FHIT: variants seen among roughly 807,000 people sequenced by gnomAD.
FHIT encodes bis(5'-adenosyl)-triphosphatase.
In FHIT, 19 loss-of-function variants were observed where a neutral mutation model predicts 17.9. The ratio of observed to expected loss-of-function variants is 1.06; its 90% confidence interval spans 0.74 to 1.56. The LOEUF (loss-of-function observed/expected upper bound fraction) is 1.56. FHIT is among the 40% of genes most tolerant of loss of function. FHIT has a pLI of 0.00. For synonymous variants in FHIT, 81 were observed against 69.7 expected (o/e 1.16, Z -0.81); for missense variants, 248 against 189.2 (o/e 1.31, Z -1.82).
At chr3:59,759,737 A>C (rs1701409291) in intron 8 of FHIT, among the ~76,000 whole-genome samples, 1 of 152,032 alleles carries the variant, frequency 6.6e-6, no homozygotes. Flanking sequence ...TTCCTGCCAG[A>C]CATGGAGCTT....
chr3:60,463,759 T>C (rs976785053), intron 5 of FHIT, among the ~76,000 whole-genome samples: 2 of 152,206 alleles, frequency 1.3e-5, no homozygotes, highest in African/African-American at 4.8e-5. Context: ...TTTGGGCAAT[T>C]TACTTAACTT....
At chr3:61,207,659 G>A (rs1330441523) in intron 1 of FHIT, among the ~76,000 whole-genome samples, 1 of 152,118 alleles carries the variant, frequency 6.6e-6, no homozygotes, top group Non-Finnish European at 1.5e-5. Flanking sequence ...TGGGATCGGT[G>A]TTGATATCCC....
intron 3 of FHIT, among the ~76,000 whole-genome samples, chr3:60,929,511 A>C (rs1156854254): frequency 3.3e-5 from 5 of 152,212 alleles, no homozygotes; most frequent in Non-Finnish European, 4.4e-5. Context: ...AACTTCAGCA[A>C]AGTCTCAGGA....
intron 3 of FHIT, among the ~76,000 whole-genome samples, chr3:60,918,930 A>G (rs1707143559): frequency 6.6e-6 from 1 of 152,142 alleles, no homozygotes. Context: ...TATTTATGAT[A>G]AGGGCTTTTA....
At chr3:60,254,423 A>G (rs1014750881) in intron 5 of FHIT, among the ~76,000 whole-genome samples, 20 of 152,162 alleles carry the variant, frequency 1.3e-4, no homozygotes, top group African/African-American at 4.1e-4. Context: ...AATTAGAGAT[A>G]CTATATCAAA....
chr3:59,807,608 G>A (rs1034783359), intron 8 of FHIT, among the ~76,000 whole-genome samples: 1 of 152,178 alleles, frequency 6.6e-6, no homozygotes, highest in African/African-American at 2.4e-5. Context: ...AGCATGTGCT[G>A]TCCATATTCC....
intron 4 of FHIT, among the ~76,000 whole-genome samples, chr3:60,804,271 C>T (rs1701304731): frequency 6.6e-6 from 1 of 152,172 alleles, no homozygotes; most frequent in Admixed American, 6.5e-5. Context: ...GAGGCAGGGG[C>T]TCTGCTTTTC....
At chr3:60,596,355 A>G (rs1576944229) in intron 4 of FHIT, among the ~76,000 whole-genome samples, 1 of 151,992 alleles carries the variant, frequency 6.6e-6, no homozygotes, top group African/African-American at 2.4e-5. Context: ...AAGTTCTCCA[A>G]CCTTGGCCTT....
intron 3 of FHIT, among the ~76,000 whole-genome samples, chr3:60,840,274 T>C (rs1702677112): frequency 2.6e-5 from 4 of 152,330 alleles, no homozygotes; most frequent in Middle Eastern, 3.4e-3. Flanking sequence ...CCTTTGCTAA[T>C]AAAGATGATT....
chr3:60,806,041 G>A (rs782017053), intron 4 of FHIT, among the ~76,000 whole-genome samples: 20 of 152,136 alleles, frequency 1.3e-4, no homozygotes, highest in Non-Finnish European at 2.5e-4. Flanking sequence ...CTTAACCATA[G>A]GAAGTCCACA....
intron 4 of FHIT, among the ~76,000 whole-genome samples, chr3:60,623,039 G>A (rs781841024): frequency 6.6e-6 from 1 of 152,126 alleles, no homozygotes; most frequent in African/African-American, 2.4e-5. Context: ...TTTCTCCCAC[G>A]AAGCCCATCT....
intron 2 of FHIT, among the ~76,000 whole-genome samples, chr3:61,080,694 A>G (rs140268255): frequency 2.3e-3 from 349 of 152,260 alleles, no homozygotes; most frequent in Non-Finnish European, 4.2e-3. Flanking sequence ...TCCTCTAATC[A>G]TATTGAATAT....
intron 5 of FHIT, among the ~76,000 whole-genome samples, chr3:60,323,248 G>A (rs1459181394): frequency 1.3e-5 from 2 of 152,138 alleles, no homozygotes; most frequent in African/African-American, 4.8e-5. Context: ...GAAATACGTA[G>A]TCAGTGATGA....
At chr3:60,289,029 A>C (rs1330119678) in intron 5 of FHIT, among the ~76,000 whole-genome samples, 1 of 152,220 alleles carries the variant, frequency 6.6e-6, no homozygotes, top group Non-Finnish European at 1.5e-5. Flanking sequence ...AAGTGAAGAT[A>C]TCATTTTTTT....
chr3:60,377,728 G>A (rs1359529338), intron 5 of FHIT, among the ~76,000 whole-genome samples: 10 of 151,434 alleles, frequency 6.6e-5, no homozygotes, highest in African/African-American at 1.9e-4. Context: ...TGATCCACCC[G>A]CCTCGGCCTC....
At chr3:60,458,700 T>C (rs1279753428) in intron 5 of FHIT, among the ~76,000 whole-genome samples, 1 of 152,130 alleles carries the variant, frequency 6.6e-6, no homozygotes, top group East Asian at 1.9e-4. Flanking sequence ...CCGCCAACTC[T>C]AGATGTCAAA....
chr3:59,788,397 C>T (rs1355988554), intron 8 of FHIT, among the ~76,000 whole-genome samples: 1 of 152,156 alleles, frequency 6.6e-6, no homozygotes, highest in Admixed American at 6.5e-5. Flanking sequence ...CATCTCACTC[C>T]CTCTCTGGGC....
intron 5 of FHIT, among the ~76,000 whole-genome samples, chr3:60,363,718 G>C (rs564037642): frequency 9.2e-5 from 14 of 152,144 alleles, no homozygotes; most frequent in Non-Finnish European, 1.6e-4. Flanking sequence ...TGTACCCCAG[G>C]AGTCTGGCCT....
intron 5 of FHIT, among the ~76,000 whole-genome samples, chr3:60,391,923 T>C (rs116588993): frequency 2.7e-3 from 417 of 152,170 alleles, no homozygotes; most frequent in African/African-American, 9.5e-3. Context: ...TTCCTTAATG[T>C]TTCTTTCTTC....
Sources: gnomAD v4.1 joint callset for allele counts (sites outside exome capture counted in the v4.1 genomes callset) on GRCh38, gnomAD v4.1.1 for gene constraint, MANE v1.5 for transcripts, NCBI Gene and HGNC (gene_info 2026-07-23, HGNC 2026-07-21) for gene names.